NPAS3: variants seen among roughly 807,000 people sequenced by gnomAD.
NPAS3 encodes the protein neuronal PAS domain-containing protein 3.
In NPAS3, 14 loss-of-function variants were observed where a neutral mutation model predicts 73.1. The observed-to-expected ratio is 0.19, with a 90% CI of 0.13 to 0.30. The LOEUF (loss-of-function observed/expected upper bound fraction) is 0.30. Among genes scored for constraint, NPAS3 ranks in the 10% least tolerant of loss-of-function variants. The pLI is 1.00. For synonymous variants in NPAS3, 620 were observed against 541.5 expected (o/e 1.14, Z -2.01); for missense variants, 1,096 against 1,250.0 (o/e 0.88, Z 1.86).
At chr14:33,383,159 GA>G (rs894064098) in intron 4 of NPAS3, among the ~76,000 whole-genome samples, 1 of 148,500 alleles carries the variant, frequency 6.7e-6, no homozygotes, top group South Asian at 2.2e-4. Flanking sequence ...GCTTTTTTGT[GA>G]AAAAATTTCA....
intron 1 of NPAS3, among the ~76,000 whole-genome samples, chr14:33,049,673 G>T (rs904756239): frequency 6.6e-6 from 1 of 152,178 alleles, no homozygotes; most frequent in African/African-American, 2.4e-5. Context: ...TGAGATTTGG[G>T]TGGGGACACA....
intron 2 of NPAS3, among the ~76,000 whole-genome samples, chr14:33,169,973 G>C (rs2045326797): frequency 6.6e-6 from 1 of 152,120 alleles, no homozygotes; most frequent in Non-Finnish European, 1.5e-5. Context: ...GATACATCTT[G>C]TAGTTTTGTG....
rs530750715 is a variant in NPAS3, at chr14:33,773,089, C to CA, written c.853-1243dup. ...GGAAAACCAAGTAACTTAAAAGAAA[C>CA]AAAAATAAAATGGAAAAGGAATTGC... On this transcript the variant is annotated intron_variant, in intron 7 of 11. Coordinates refer to ENST00000356141, the Ensembl canonical transcript of NPAS3. Among the ~76,000 whole-genome samples, 3 of 152,132 alleles carry CA rather than the reference C, an allele frequency of 2.0e-5. No homozygotes were observed. In the South Asian group the frequency reaches 6.2e-4, roughly 32 times the overall value.
chr14:33,287,502 C>T (rs2041925407), intron 3 of NPAS3, among the ~76,000 whole-genome samples: 1 of 152,142 alleles, frequency 6.6e-6, no homozygotes, highest in African/African-American at 2.4e-5. Context: ...GCTGACTCCA[C>T]GTGGCTGCTG....
At chr14:33,570,478 T>A (rs944535734) in intron 5 of NPAS3, among the ~76,000 whole-genome samples, 1 of 152,034 alleles carries the variant, frequency 6.6e-6, no homozygotes, top group Non-Finnish European at 1.5e-5. Context: ...AAATAAGAGG[T>A]GAGACTAGGA....
chr14:33,788,560 C>A (rs916312198), intron 9 of NPAS3, among the ~76,000 whole-genome samples: 5 of 152,324 alleles, frequency 3.3e-5, no homozygotes, highest in Middle Eastern at 3.4e-3. Context: ...CTTCCTTCTT[C>A]TTATGACACA....
chr14:33,570,827 A>C (rs1318001249), intron 5 of NPAS3, among the ~76,000 whole-genome samples: 1 of 152,208 alleles, frequency 6.6e-6, no homozygotes, highest in African/African-American at 2.4e-5. Context: ...TCAGGAAATC[A>C]GATAGTGCCT....
At chr14:33,145,059 C>G (rs911491490) in intron 2 of NPAS3, among the ~76,000 whole-genome samples, 1 of 152,134 alleles carries the variant, frequency 6.6e-6, no homozygotes, top group Non-Finnish European at 1.5e-5. Context: ...TCCTCTTTCT[C>G]TCTCATGATA....
At chr14:32,971,710 T>C (rs1041533220) in intron 1 of NPAS3, among the ~76,000 whole-genome samples, 5 of 152,284 alleles carry the variant, frequency 3.3e-5, no homozygotes, top group African/African-American at 1.2e-4. Context: ...TATCCATATA[T>C]AGTATACTTT....
Position 33,759,476 on chromosome 14 carries a change from C to G in NPAS3, c.853-14861C>G, listed in dbSNP as rs182635428. ...GGCCTAGAGAGAGTGCTTGCCCCAT[C>G]GCAGAGCATTCATATGAAACATTCT... On this transcript the variant is annotated intron_variant, in intron 7 of 11. Transcript: ENST00000356141. Among the ~76,000 whole-genome samples the G allele has an allele frequency of 2.0e-5, 3 of 152,264 alleles. No homozygotes were observed. The South Asian group carries it at 6.2e-4, about 32-fold the overall frequency.
intron 4 of NPAS3, among the ~76,000 whole-genome samples, chr14:33,553,562 G>A (rs1217160337): frequency 6.6e-6 from 1 of 152,170 alleles, no homozygotes; most frequent in East Asian, 1.9e-4. Context: ...TGTTGTGATT[G>A]GGAAACATGT....
intron 7 of NPAS3, among the ~76,000 whole-genome samples, chr14:33,761,260 G>A (rs1286502206): frequency 6.6e-6 from 1 of 151,886 alleles, no homozygotes; most frequent in Admixed American, 6.5e-5. Context: ...AAGCACAGTG[G>A]CTCACTAAGC....
At chr14:33,786,609 G>T (rs74044721) in intron 9 of NPAS3, among the ~76,000 whole-genome samples, 1,836 of 152,312 alleles carry the variant, frequency 0.012, 34 homozygotes, top group African/African-American at 0.04. Flanking sequence ...CGCCCTTTGC[G>T]CTTTCATAGA....
At chr14:33,587,432 A>T (rs1283155903) in intron 5 of NPAS3, among the ~76,000 whole-genome samples, 1 of 152,206 alleles carries the variant, frequency 6.6e-6, no homozygotes, top group East Asian at 1.9e-4. Context: ...CACATGTAAT[A>T]ACTGGGTGTC....
intron 4 of NPAS3, among the ~76,000 whole-genome samples, chr14:33,425,832 T>C (rs1004863086): frequency 6.6e-6 from 1 of 152,056 alleles, no homozygotes; most frequent in Admixed American, 6.6e-5. Flanking sequence ...TCAGGGGTAA[T>C]GAACCTGCAG....
At chr14:33,550,015 G>T (rs988178687) in intron 4 of NPAS3, among the ~76,000 whole-genome samples, 3 of 152,010 alleles carry the variant, frequency 2.0e-5, no homozygotes, top group African/African-American at 7.3e-5. Flanking sequence ...GGAAGCCAGT[G>T]GAAAATACCA....
chr14:33,711,155 ATTATC>A lies in NPAS3; in HGVS notation c.734-24054_734-24050del, dbSNP rs369286584. Among the ~76,000 whole-genome samples, 54 of 152,320 alleles carry A rather than the reference ATTATC, an allele frequency of 3.5e-4. No individual in the cohort carries two copies. The East Asian group carries it at 0.01, about 28-fold the overall frequency. On this transcript the variant is annotated intron_variant, in intron 6 of 11. Transcript: ENST00000356141. The stretch of plus-strand genomic sequence containing the variant: ...TGCACTGTATAATAAAACTTTCCTG[ATTATC>A]TTATAACTGCACATTAAAAATTTAC...
intron 4 of NPAS3, among the ~76,000 whole-genome samples, chr14:33,500,638 A>G (rs1464353958): frequency 2.6e-5 from 4 of 151,928 alleles, no homozygotes; most frequent in African/African-American, 9.7e-5. Context: ...TTTAGATATG[A>G]TTCTTGTCTG....
chr14:33,168,690 T>C (rs1432167048), intron 2 of NPAS3, among the ~76,000 whole-genome samples: 2 of 152,116 alleles, frequency 1.3e-5, no homozygotes, highest in African/African-American at 4.8e-5. Context: ...TCCTGATTCC[T>C]TCATTTCAGT....
Sources: gnomAD v4.1 joint callset for allele counts (sites outside exome capture counted in the v4.1 genomes callset) on GRCh38, gnomAD v4.1.1 for gene constraint, MANE v1.5 for transcripts, NCBI Gene and HGNC (gene_info 2026-07-23, HGNC 2026-07-21) for gene names.